Variants in MEGF11 observed in about 807,000 individuals in gnomAD.
The protein encoded by MEGF11 is multiple EGF like domains 11, also known as multiple epidermal growth factor-like domains protein 11.
In MEGF11, 126 loss-of-function variants were observed where a neutral mutation model predicts 146.6. The observed-to-expected ratio is 0.86, with a 90% CI of 0.74 to 1.00. The LOEUF is 1.00. Among genes scored for constraint, MEGF11 ranks in the 50% least tolerant of loss-of-function variants. MEGF11 has a pLI of 0.00. For synonymous variants in MEGF11, 532 were observed against 583.4 expected, an observed-to-expected ratio of 0.91 and a Z score of 1.27; for missense variants, 1,509 against 1,521.2, an observed-to-expected ratio of 0.99 and a Z score of 0.13.
intron 1 of MEGF11, among the ~76,000 whole-genome samples, chr15:66,201,299 C>T (rs1175646716): frequency 6.6e-6 from 1 of 152,160 alleles, no homozygotes; most frequent in African/African-American, 2.4e-5. Context: ...TGTTATCTTT[C>T]CCTGGTCCTT....
In MEGF11 at chr15:66,219,709, C is replaced by CAAA. The variant is rs56665844; in HGVS notation, c.-9+33893_-9+33895dup. Among the ~76,000 whole-genome samples the CAAA allele has an allele frequency of 3.3e-5, 5 of 151,062 alleles. No individual in the cohort carries two copies. The East Asian group carries it at 5.8e-4, about 18-fold the overall frequency. The stretch of plus-strand genomic sequence containing the variant: ...GTGGCACTGGTGTTCAAAAACAAAA[C>CAAA]AAAAAAAAACGTATCTACCATACAA... On this transcript the variant is annotated intron_variant, in intron 1 of 25. Coordinates refer to ENST00000395614, the MANE Select transcript of MEGF11 (RefSeq NM_001385028.1).
chr15:66,184,460 T>C (rs1468467484), intron 1 of MEGF11, among the ~76,000 whole-genome samples: 1 of 151,724 alleles, frequency 6.6e-6, no homozygotes, highest in South Asian at 2.1e-4. Context: ...CCATTCCCCA[T>C]CCATTCTCCA....
intron 1 of MEGF11, among the ~76,000 whole-genome samples, chr15:66,216,847 C>T (rs2091598763): frequency 6.6e-6 from 1 of 152,226 alleles, no homozygotes; most frequent in Non-Finnish European, 1.5e-5. Context: ...TAGAATTATC[C>T]TCAGCTACAG....
At chr15:66,235,691 A>G (rs1005668266) in intron 1 of MEGF11, among the ~76,000 whole-genome samples, 1 of 152,084 alleles carries the variant, frequency 6.6e-6, no homozygotes, top group African/African-American at 2.4e-5. Flanking sequence ...GATGTTCTCT[A>G]AACTCCAGAA....
intron 1 of MEGF11, among the ~76,000 whole-genome samples, chr15:66,212,228 A>G (rs72746211): frequency 0.065 from 9,820 of 152,132 alleles, 372 homozygotes; most frequent in East Asian, 0.15. Flanking sequence ...TCAGGGAGCA[A>G]GTGGCAATCA....
rs779857898 is a variant in MEGF11, at chr15:65,980,868, A to G, written c.672T>C (p.His224=). Residue 224 remains histidine (H), a synonymous_variant, in exon 7 of 26, where the codon CAT becomes CAC. Coordinates refer to ENST00000395614, the MANE Select transcript of MEGF11 (RefSeq NM_001385028.1). ...YCEELCPPGS[H]GAHCELRCPC... ...GGCAGCGCAGCTCACAGTGAGCTCC[A>G]TGGCTCCCAGGAGGGCACAGCTCCT... The G allele has an allele frequency of 9.4e-6, 15 of 1,593,730 alleles. No individual in the cohort carries two copies. In the Admixed American group the frequency reaches 1.6e-4, roughly 17 times the overall value.
At chr15:66,098,192 C>T (rs139973303) in intron 4 of MEGF11, among the ~76,000 whole-genome samples, 5 of 152,076 alleles carry the variant, frequency 3.3e-5, no homozygotes, top group African/African-American at 4.8e-5. Flanking sequence ...ATAAGCAGGC[C>T]GGGACCCAGG....
chr15:66,125,098 C>T (rs555383938), intron 2 of MEGF11, among the ~76,000 whole-genome samples: 1 of 152,292 alleles, frequency 6.6e-6, no homozygotes, highest in Non-Finnish European at 1.5e-5. Flanking sequence ...CTCTCTGATG[C>T]CTGAAAGGTC....
At chr15:66,252,570 G>A (rs953646066) in intron 1 of MEGF11, among the ~76,000 whole-genome samples, 3 of 152,174 alleles carry the variant, frequency 2.0e-5, no homozygotes, top group Non-Finnish European at 2.9e-5. Context: ...CCAGGTCCGG[G>A]AGAAGCCGCC....
intron 1 of MEGF11, among the ~76,000 whole-genome samples, chr15:66,208,842 G>A (rs563663264): frequency 8.6e-5 from 13 of 151,628 alleles, no homozygotes; most frequent in East Asian, 7.8e-4. Context: ...ATGCCATTGC[G>A]CTCCAGCCTG....
intron 13 of MEGF11, among the ~76,000 whole-genome samples, chr15:65,924,498 C>T (rs1186679675): frequency 6.6e-6 from 1 of 151,924 alleles, no homozygotes; most frequent in Non-Finnish European, 1.5e-5. Flanking sequence ...GAACCCTGGA[C>T]AGGCATCATA....
intron 15 of MEGF11, 25 bp from the exon 16 acceptor site, chr15:65,918,119 C>T: frequency 6.2e-7 from 1 of 1,612,536 alleles, no homozygotes; most frequent in Non-Finnish European, 8.5e-7. Context: ...CAGCCTGGCA[C>T]CCATCCTCCC....
At chr15:66,093,293 G>A (rs2086397744) in intron 5 of MEGF11, among the ~76,000 whole-genome samples, 1 of 152,062 alleles carries the variant, frequency 6.6e-6, no homozygotes, top group African/African-American at 2.4e-5. Context: ...AAGGCCTTTG[G>A]GAAAACAAAC....
At chr15:65,937,485 GTTTC>G (rs144106052) in intron 10 of MEGF11, among the ~76,000 whole-genome samples, 2,168 of 152,248 alleles carry the variant, frequency 0.014, 40 homozygotes, top group South Asian at 0.043. Flanking sequence ...ACAGGCCTTG[GTTTC>G]TTTATCAATC....
chr15:66,169,656 T>C (rs2090192632), intron 1 of MEGF11, among the ~76,000 whole-genome samples: 1 of 152,252 alleles, frequency 6.6e-6, no homozygotes, highest in Non-Finnish European at 1.5e-5. Flanking sequence ...ACGTCCTTGG[T>C]TCCTTATCTA....
chr15:66,198,160 C>T (rs1250075685), intron 1 of MEGF11, among the ~76,000 whole-genome samples: 3 of 152,214 alleles, frequency 2.0e-5, no homozygotes, highest in Non-Finnish European at 4.4e-5. Context: ...TGAAGACTAC[C>T]TACCATGTGA....
At chr15:66,198,437 G>A (rs751964582) in intron 1 of MEGF11, among the ~76,000 whole-genome samples, 2 of 152,124 alleles carry the variant, frequency 1.3e-5, no homozygotes, top group Non-Finnish European at 2.9e-5. Context: ...TGATCTCAAC[G>A]TCATCAGCAA....
intron 13 of MEGF11, among the ~76,000 whole-genome samples, chr15:65,926,602 G>T (rs1202660906): frequency 6.6e-6 from 1 of 152,158 alleles, no homozygotes; most frequent in Non-Finnish European, 1.5e-5. Flanking sequence ...AGAGGTGAGT[G>T]GGGAGGGCTC....
At chr15:66,006,708 A>C (rs2082531296) in intron 5 of MEGF11, among the ~76,000 whole-genome samples, 1 of 152,220 alleles carries the variant, frequency 6.6e-6, no homozygotes, top group Non-Finnish European at 1.5e-5. Context: ...AAGAGATCCG[A>C]ATGACATTAA....
Sources: allele counts gnomAD v4.1 joint callset (sites outside exome capture counted in the v4.1 genomes callset), GRCh38; gene constraint gnomAD v4.1.1; transcripts MANE v1.5; gene names NCBI Gene and HGNC (gene_info 2026-07-23, HGNC 2026-07-21).